The following SLC9C2 variants were observed in gnomAD, a reference collection of about 807,000 sequenced individuals.
The protein encoded by SLC9C2 is sodium/hydrogen exchanger 11.
Under a neutral mutation model 140.2 loss-of-function variants are expected in SLC9C2, and 75 were observed. The observed-to-expected ratio is 0.53, with a 90% CI of 0.44 to 0.65. The LOEUF (loss-of-function observed/expected upper bound fraction) is 0.65, where lower values mean the gene tolerates loss of function less well. Among genes scored for constraint, SLC9C2 ranks in the 30% least tolerant of loss-of-function variants. The pLI is 0.00. For missense variants in SLC9C2, 1,074 were observed against 1,331.8 expected (o/e 0.81, Z 3.01); for synonymous variants, 375 against 420.9 (o/e 0.89, Z 1.34).
intron 23 of SLC9C2, among the ~76,000 whole-genome samples, chr1:173,515,500 C>T (rs758660645): frequency 2.0e-5 from 3 of 152,196 alleles, no homozygotes; most frequent in Non-Finnish European, 4.4e-5. Context: ...CTGTGTTTTT[C>T]AGCTCCATCA....
chr1:173,524,841 T>C lies in SLC9C2; in HGVS notation c.2452A>G (p.Asn818Asp). 6.2e-7 allele frequency: 1 copy of C among 1,614,072 alleles called. No individual in the cohort carries two copies. The highest frequency in any genetic ancestry group is 2.2e-5 in the East Asian group (1 of 44,874). ...CCTCTTGAACAAAGGAAGGTGAGAT[T>C]TTTTAGAGCTTTAGCAATCACATTC... ...IRNVIAKALK[N>D]LTFLCSRGII... The change falls in exon 20 of 28, where the codon AAT becomes GAT. Residue 818 changes from asparagine to aspartate, a missense_variant. Transcript: ENST00000367714.
At chr1:173,518,756 C>T (rs1311390616) in intron 22 of SLC9C2, among the ~76,000 whole-genome samples, 1 of 152,176 alleles carries the variant, frequency 6.6e-6, no homozygotes, top group Non-Finnish European at 1.5e-5. Context: ...CTTTTAAAGG[C>T]ATTCATGCTT....
intron 21 of SLC9C2, among the ~76,000 whole-genome samples, chr1:173,521,885 CAAAAAAAAAA>C (rs58355008): frequency 6.5e-5 from 5 of 76,948 alleles, no homozygotes; most frequent in Admixed American, 1.6e-4. Context: ...GGGCGCTATG[CAAAAAAAAAA>C]AAAAAAAAAA....
At chr1:173,579,873 A>G (rs550893280) in intron 7 of SLC9C2, among the ~76,000 whole-genome samples, 38 of 152,120 alleles carry the variant, frequency 2.5e-4, no homozygotes, top group Middle Eastern at 3.4e-3. Flanking sequence ...ATGCTAAAAG[A>G]CTCTAGGGAA....
At chr1:173,602,322 A>C (rs16846288) in intron 1 of SLC9C2, among the ~76,000 whole-genome samples, 2 of 152,048 alleles carry the variant, frequency 1.3e-5, no homozygotes, top group African/African-American at 4.8e-5. Context: ...ATTCCATTTT[A>C]CCACTCCAGC....
In SLC9C2 at chr1:173,529,966, T is replaced by C. The variant is rs1661460574; in HGVS notation, c.2252A>G (p.Lys751Arg). The C allele has an allele frequency of 6.2e-7, 1 of 1,612,962 alleles. No homozygotes were observed. Among genetic ancestry groups the C allele is most frequent in the Non-Finnish European group, 8.5e-7 (1 of 1,179,786 alleles). Residue 751 changes from lysine to arginine, a missense_variant, in exon 18 of 28, where the codon AAA (lysine) becomes AGA (arginine). Coordinates refer to ENST00000367714, the MANE Select transcript of SLC9C2 (RefSeq NM_178527.4). The stretch of plus-strand genomic sequence containing the variant: ...TAGAAGTTTGGCATCTTCTTGACTT[T>C]TGATATAGCCTTTTGTAATACTATA... ...LMYSITKGYI[K>R]SQEDAKLLIK...
Position 173,573,341 on chromosome 1 carries a change from T to C in SLC9C2, c.903-16A>G, listed in dbSNP as rs1486858055. 2.9e-6 allele frequency: 4 copies of C among 1,364,300 alleles called. No homozygotes were observed. Among genetic ancestry groups the C allele is most frequent in the Non-Finnish European group, 4.1e-6 (4 of 987,204 alleles). The allele number at this position is 1,364,300 out of a possible 1,614,324, so 84.5% of individuals were successfully genotyped here. ...TCTTAAGAACCTAGGATGAATGAAA[T>C]AGAAATGACATTTTAAGCAATCATC... On this transcript the variant is annotated splice_polypyrimidine_tract_variant and intron_variant, in intron 8 of 27. Coordinates refer to ENST00000367714, the MANE Select transcript of SLC9C2 (RefSeq NM_178527.4).
At chr1:173,577,647 T>A (rs1187499555) in intron 7 of SLC9C2, among the ~76,000 whole-genome samples, 1 of 152,168 alleles carries the variant, frequency 6.6e-6, no homozygotes, top group Non-Finnish European at 1.5e-5. Flanking sequence ...GCCCCGTAAC[T>A]ATAAAATAGG....
chr1:173,590,765 G>A (rs1201965835), intron 4 of SLC9C2, among the ~76,000 whole-genome samples: 3 of 152,192 alleles, frequency 2.0e-5, no homozygotes, highest in African/African-American at 7.2e-5. Context: ...CAGTGGGTAT[G>A]CTGGCCAAAG....
At position 173,501,070 on chromosome 1, in the gene SLC9C2, C is replaced by A; in HGVS notation, c.*24G>T. 6.5e-7 allele frequency: 1 copy of A among 1,532,682 alleles called. No homozygotes were observed. Among genetic ancestry groups the A allele is most frequent in the Non-Finnish European group, 8.8e-7 (1 of 1,140,246 alleles). The allele number at this position is 1,532,682 out of a possible 1,614,324, so 94.9% of individuals were successfully genotyped here. On this transcript the variant is annotated 3_prime_UTR_variant, in exon 28 of 28. Coordinates refer to ENST00000367714, the MANE Select transcript of SLC9C2 (RefSeq NM_178527.4). ...ACATCATATTTGTATCATTAATACCCTTTTCTAAAATGGTATCCAGTTTTC... is the reference window on the plus strand; with the variant it reads ...ACATCATATTTGTATCATTAATACCATTTTCTAAAATGGTATCCAGTTTTC...
At chr1:173,530,751 G>A (rs994045633) in intron 17 of SLC9C2, among the ~76,000 whole-genome samples, 7 of 150,520 alleles carry the variant, frequency 4.7e-5, no homozygotes, top group Admixed American at 2.6e-4. Context: ...AATCCACATC[G>A]TCACTCACAC....
intron 27 of SLC9C2, among the ~76,000 whole-genome samples, chr1:173,502,483 T>C (rs1243131249): frequency 6.6e-6 from 1 of 151,998 alleles, no homozygotes; most frequent in Non-Finnish European, 1.5e-5. Flanking sequence ...GGAGCCCTAA[T>C]AGAGACCTCT....
chr1:173,573,662 T>C, intron 8 of SLC9C2, among the ~76,000 whole-genome samples: 1 of 152,248 alleles, frequency 6.6e-6, no homozygotes, highest in East Asian at 1.9e-4. Context: ...CTGCTACTGC[T>C]AAACCCGGAG....
intron 24 of SLC9C2, among the ~76,000 whole-genome samples, chr1:173,508,328 T>A (rs1282600281): frequency 1.0e-5 from 1 of 99,122 alleles, no homozygotes; most frequent in Non-Finnish European, 2.4e-5. Flanking sequence ...ATAAATACAA[T>A]TTTTTTAATG....
chr1:173,521,434 G>GC, intron 21 of SLC9C2, 35 bp from the exon 22 acceptor site: 1 of 1,147,074 alleles, frequency 8.7e-7, no homozygotes, highest in Non-Finnish European at 1.2e-6. Flanking sequence ...AAGAAAAAGA[G>GC]AGTCAACACA....
Position 173,509,688 on chromosome 1 carries a change from G to A in SLC9C2, c.2919C>T (p.Ile973=), listed in dbSNP as rs1659904396. 6.3e-7 allele frequency: 1 copy of A among 1,588,986 alleles called. No homozygotes were observed. The highest frequency in any genetic ancestry group is 1.2e-5 in the South Asian group (1 of 85,408). ...ICETSLQACF[I]SLEDLYEGFD... ...AGCCTTCATATAAATCCTCCAGGGA[G>A]ATAAAGCAGGCCTGAAACAAAAAGG... The change falls in exon 24 of 28, where the codon ATC becomes ATT. Residue 973 remains isoleucine (I), a synonymous_variant. Coordinates refer to ENST00000367714, the MANE Select transcript of SLC9C2 (RefSeq NM_178527.4).
intron 25 of SLC9C2, among the ~76,000 whole-genome samples, chr1:173,506,617 C>T (rs1357736214): frequency 6.6e-6 from 1 of 152,278 alleles, no homozygotes; most frequent in South Asian, 2.1e-4. Context: ...GGGCAAAGGG[C>T]GTGGCAAGCA....
At chr1:173,536,693 A>G (rs1251715087) in intron 14 of SLC9C2, among the ~76,000 whole-genome samples, 1 of 152,174 alleles carries the variant, frequency 6.6e-6, no homozygotes, top group Non-Finnish European at 1.5e-5. Flanking sequence ...TGACAGTCCA[A>G]TCTTTCTCCA....
chr1:173,551,808 A>G (rs1466916945), intron 11 of SLC9C2, among the ~76,000 whole-genome samples: 3 of 152,130 alleles, frequency 2.0e-5, no homozygotes, highest in African/African-American at 7.2e-5. Flanking sequence ...TAATAACCCT[A>G]CAATGGCTTC....
Sources: allele counts gnomAD v4.1 joint callset (sites outside exome capture counted in the v4.1 genomes callset), GRCh38; gene constraint gnomAD v4.1.1; transcripts MANE v1.5; gene names NCBI Gene and HGNC (gene_info 2026-07-23, HGNC 2026-07-21).